Variants in VAV2 observed in about 807,000 individuals in gnomAD.
VAV2 encodes vav guanine nucleotide exchange factor 2.
VAV2 carries 67 observed loss-of-function variants against 132.5 expected under a neutral mutation model. That is an observed-to-expected ratio of 0.51 (90% CI 0.42 to 0.62). VAV2 has a LOEUF of 0.62. VAV2 is among the 20% of genes least tolerant of loss of function. VAV2 has a pLI of 0.00. For missense variants in VAV2, 938 were observed against 1,153.6 expected, an observed-to-expected ratio of 0.81 and a Z score of 2.71; for synonymous variants, 492 against 443.5, an observed-to-expected ratio of 1.11 and a Z score of -1.37.
chr9:133,905,135 G>C (rs1309356914), intron 2 of VAV2, among the ~76,000 whole-genome samples: 1 of 152,178 alleles, frequency 6.6e-6, no homozygotes, highest in Non-Finnish European at 1.5e-5. Flanking sequence ...ACCACAGCCA[G>C]AACAGTGGCT....
In VAV2 at chr9:133,901,347, C is replaced by T. The variant is rs1017754461; in HGVS notation, c.321+37756G>A. Among the ~76,000 whole-genome samples the T allele has an allele frequency of 2.6e-5, 4 of 152,298 alleles. No individual in the cohort carries two copies. The East Asian group carries it at 7.8e-4, about 30-fold the overall frequency. On this transcript the variant is annotated intron_variant, in intron 2 of 29. Coordinates refer to ENST00000371850, the MANE Select transcript of VAV2 (RefSeq NM_001134398.2). ...CCTCAGAAGAGGCATGGTTATTCCC[C>T]GTTTGTGACAGGGACCCTGAGGCAG...
At chr9:133,803,946 T>C (rs1835037586) in intron 9 of VAV2, among the ~76,000 whole-genome samples, 1 of 152,168 alleles carries the variant, frequency 6.6e-6, no homozygotes, top group African/African-American at 2.4e-5. Context: ...TGCAGGACTG[T>C]GCTCAGGGGG....
intron 20 of VAV2, 113 bp from the exon 21 acceptor site, chr9:133,780,052 C>G (rs1432493292): frequency 6.9e-7 from 1 of 1,450,142 alleles, no homozygotes; most frequent in Middle Eastern, 1.7e-4. Context: ...ATAGAGGGGT[C>G]AAGGCAGGAG....
chr9:133,904,675 G>A (rs1279142698), intron 2 of VAV2, among the ~76,000 whole-genome samples: 5 of 152,232 alleles, frequency 3.3e-5, no homozygotes, highest in African/African-American at 7.2e-5. Context: ...CCACGGGGCC[G>A]TCGGGTGCCA....
chr9:133,787,355 C>T, intron 15 of VAV2, 95 bp from the exon 16 acceptor site: 2 of 1,360,924 alleles, frequency 1.5e-6, no homozygotes, highest in Non-Finnish European at 9.6e-7. Flanking sequence ...GCGCCAGGAG[C>T]CCTGGCAGGT....
At chr9:133,805,649 G>A (rs1028872856) in intron 9 of VAV2, among the ~76,000 whole-genome samples, 27 of 151,974 alleles carry the variant, frequency 1.8e-4, no homozygotes, top group African/African-American at 4.8e-5. Flanking sequence ...CCCCAGAAAC[G>A]CCACCTCCCC....
At chr9:133,797,927 C>A in intron 9 of VAV2, 118 bp from the exon 10 acceptor site, 2 of 809,928 alleles carry the variant, frequency 2.5e-6, no homozygotes, top group South Asian at 1.8e-5. Context: ...GGCCCCTCCC[C>A]TGACAGCTCC....
chr9:133,788,366 C>CTTG lies in VAV2; in HGVS notation c.1392_1394dup (p.Asn464dup). On this transcript the variant is annotated inframe_insertion, in exon 15 of 30. Coordinates refer to ENST00000371850, the MANE Select transcript of VAV2 (RefSeq NM_001134398.2). This position sits in a 1 kb window ranked among gnomAD's most constrained non-coding sequence, Gnocchi z 5.3. Reference sequence around the variant, plus strand: ...CGGAAGGCCCCACCTTCTTGACGTCCTTGTTGTTCATGGGGTCGTCGGTCA... The same window carrying CTTG: ...CGGAAGGCCCCACCTTCTTGACGTCCTTGTTGTTGTTCATGGGGTCGTCGGTCA... 1 of 1,608,474 alleles carries CTTG rather than the reference C, an allele frequency of 6.2e-7. No individual in the cohort carries two copies.
intron 25 of VAV2, among the ~76,000 whole-genome samples, chr9:133,774,486 C>G (rs72762820): frequency 0.064 from 9,787 of 152,240 alleles, 414 homozygotes; most frequent in Non-Finnish European, 0.098. Flanking sequence ...AGGAGGATGC[C>G]CAGACTGTGC....
chr9:133,954,115 T>C (rs1033360258), intron 1 of VAV2, among the ~76,000 whole-genome samples: 6 of 152,306 alleles, frequency 3.9e-5, no homozygotes, highest in East Asian at 1.9e-4. Context: ...CCGAAAGCAC[T>C]GCGCCTGTCT....
chr9:133,787,723 G>C (rs1834284156), intron 15 of VAV2, among the ~76,000 whole-genome samples: 1 of 150,940 alleles, frequency 6.6e-6, no homozygotes, highest in South Asian at 2.1e-4. Context: ...CTATAGCCAT[G>C]GTCCTGCCCC....
chr9:133,783,734 C>T (rs1024246992), intron 18 of VAV2, 143 bp from the exon 19 acceptor site: 10 of 711,964 alleles, frequency 1.4e-5, no homozygotes, highest in African/African-American at 5.3e-5. Flanking sequence ...CCCTGAGTAT[C>T]CAGGACCCTC....
Position 133,797,818 on chromosome 9 carries a change from TGCACACAC to T in VAV2, c.837-17_837-10del. The T allele has an allele frequency of 6.2e-7, 1 of 1,613,180 alleles. No individual in the cohort carries two copies. The highest frequency in any genetic ancestry group is 8.5e-7 in the Non-Finnish European group (1 of 1,179,452). ...CCCCGTAGATCAGAAGCCTGGACGG[TGCACACAC>T]ACGCACACACGCACACAGATTTAAT... On this transcript the variant is annotated splice_polypyrimidine_tract_variant and intron_variant, in intron 9 of 29. Coordinates refer to ENST00000371850, the MANE Select transcript of VAV2 (RefSeq NM_001134398.2).
chr9:133,975,979 C>T (rs1034344493), intron 1 of VAV2, among the ~76,000 whole-genome samples: 1 of 151,436 alleles, frequency 6.6e-6, no homozygotes, highest in African/African-American at 2.4e-5. Flanking sequence ...GGGTGGATCA[C>T]GAGGTCAGTA....
chr9:133,863,474 G>A lies in VAV2; in HGVS notation c.322-2042C>T, dbSNP rs1242976342. Among the ~76,000 whole-genome samples, 3 of 152,338 alleles carry A rather than the reference G, an allele frequency of 2.0e-5. No individual in the cohort carries two copies. The highest frequency in any genetic ancestry group is 3.9e-4 in the East Asian group (2 of 5,182). ...ACCGGAGACAGAGAGGAGGCGTGGCGGGCGAGCCAGCCAAGGCCAGAACAT... is the reference window on the plus strand; with the variant it reads ...ACCGGAGACAGAGAGGAGGCGTGGCAGGCGAGCCAGCCAAGGCCAGAACAT... On this transcript the variant is annotated intron_variant, in intron 2 of 29. Transcript: ENST00000371850. The surrounding 1 kb of genome is among the most constrained non-coding windows in gnomAD (Gnocchi z 5.0).
chr9:133,859,304 C>G (rs1837506232), intron 3 of VAV2, among the ~76,000 whole-genome samples: 1 of 152,228 alleles, frequency 6.6e-6, no homozygotes, highest in Non-Finnish European at 1.5e-5. Flanking sequence ...ACCTCAGCCT[C>G]AGGAGGGCAG....
At chr9:133,908,436 T>C (rs1374487081) in intron 2 of VAV2, among the ~76,000 whole-genome samples, 4 of 151,956 alleles carry the variant, frequency 2.6e-5, no homozygotes, top group African/African-American at 9.7e-5. Flanking sequence ...TCACACCCTC[T>C]TCCCCTGGAA....
At chr9:133,862,079 C>T (rs552439961) in intron 2 of VAV2, among the ~76,000 whole-genome samples, 24 of 152,350 alleles carry the variant, frequency 1.6e-4, no homozygotes, top group African/African-American at 5.1e-4. Context: ...CTCCCCTGGC[C>T]GGCAGACTGG....
In VAV2 at chr9:133,788,338, A is replaced by T. The variant is rs749731369; in HGVS notation, c.1407+16T>A. 20 of 1,532,738 alleles carry T rather than the reference A, an allele frequency of 1.3e-5. No homozygotes were observed. The highest frequency in any genetic ancestry group is 1.3e-5 in the Non-Finnish European group (15 of 1,125,364). The allele number at this position is 1,532,738 out of a possible 1,614,324, so 94.9% of individuals were successfully genotyped here. The stretch of plus-strand genomic sequence containing the variant: ...CCCACGTTCCTGGGTAGCAGGGGGG[A>T]CCCGGAAGGCCCCACCTTCTTGACG... On this transcript the variant is annotated intron_variant, in intron 15 of 29. Coordinates refer to ENST00000371850, the MANE Select transcript of VAV2 (RefSeq NM_001134398.2). This position sits in a 1 kb window ranked among gnomAD's most constrained non-coding sequence, Gnocchi z 5.3.
Sources: allele counts gnomAD v4.1 joint callset (sites outside exome capture counted in the v4.1 genomes callset), GRCh38; gene constraint gnomAD v4.1.1; non-coding constraint Gnocchi (gnomAD v3.1); transcripts MANE v1.5; gene names NCBI Gene and HGNC (gene_info 2026-07-23, HGNC 2026-07-21).